Variants in NFIX observed in about 807,000 individuals in gnomAD.
NFIX encodes nuclear factor I X.
NFIX carries 2 observed loss-of-function variants against 53.3 expected under a neutral mutation model. The observed-to-expected ratio is 0.04, with a 90% CI of 0.02 to 0.12. NFIX has a LOEUF of 0.12. Ranked by LOEUF, NFIX falls within the 10% of genes least tolerant of loss-of-function variation. NFIX has a pLI of 1.00. For missense variants in NFIX, 310 were observed against 674.5 expected (o/e 0.46, Z 5.99); for synonymous variants, 244 against 289.0 (o/e 0.84, Z 1.58).
chr19:13,027,728 A>G lies in NFIX; in HGVS notation c.559+2176A>G, dbSNP rs1172245950. On this transcript the variant is annotated intron_variant, in intron 2 of 10. Coordinates refer to ENST00000592199, the MANE Select transcript of NFIX (RefSeq NM_001365902.3). This position sits in a 1 kb window ranked among gnomAD's most constrained non-coding sequence, Gnocchi z 4.3. ...GCAGACCGTTTCCTGGCCAGAAGAA[A>G]GGCCCCACCATGCCTCCCTGCCAGC... 6.6e-6 allele frequency among the ~76,000 whole-genome samples: 1 copy of G among 152,192 alleles called. No individual in the cohort carries two copies. Among genetic ancestry groups the G allele is most frequent in the Non-Finnish European group, 1.5e-5 (1 of 68,036 alleles).
In NFIX at chr19:13,022,594, GAAAA is replaced by G. The variant is rs58733329; in HGVS notation, c.28-2419_28-2416del. ...CTCGCCCCTGTGTGCTCCATAGGAA[GAAAA>G]AAAAAAAGAAAGAAAGAAATAGAAA... On this transcript the variant is annotated intron_variant, in intron 1 of 10. Transcript: ENST00000592199. This position sits in a 1 kb window ranked among gnomAD's most constrained non-coding sequence, Gnocchi z 4.5. Among the ~76,000 whole-genome samples, 1 of 142,078 alleles carries G rather than the reference GAAAA, an allele frequency of 7.0e-6. No individual in the cohort carries two copies. Among genetic ancestry groups the G allele is most frequent in the Non-Finnish European group, 1.5e-5 (1 of 64,556 alleles). The allele number at this position is 142,078 out of a possible 152,430, so 93.2% of individuals were successfully genotyped here. A position where few individuals can be genotyped will look rare whatever the true frequency, so the allele number is the denominator to read the frequency against.
In NFIX at chr19:13,025,695, T is replaced by C; in HGVS notation, c.559+143T>C. 1.1e-6 allele frequency: 1 copy of C among 907,674 alleles called. No individual in the cohort carries two copies. Among genetic ancestry groups the C allele is most frequent in the Non-Finnish European group, 1.6e-6 (1 of 614,016 alleles). The allele number at this position is 907,674 out of a possible 1,614,324, so 56.2% of individuals were successfully genotyped here. A position where few individuals can be genotyped will look rare whatever the true frequency, so the allele number is the denominator to read the frequency against. ...CCGTCCTGCGGGGCCTGCAACACGGTTCTATGGGCCCTTTTCCTTTTTCCT... is the reference window on the plus strand; with the variant it reads ...CCGTCCTGCGGGGCCTGCAACACGGCTCTATGGGCCCTTTTCCTTTTTCCT... On this transcript the variant is annotated intron_variant, in intron 2 of 10. Transcript: ENST00000592199. The surrounding 1 kb of genome is among the most constrained non-coding windows in gnomAD (Gnocchi z 7.5).
intron 1 of NFIX, 68 bp from the exon 2 acceptor site, chr19:13,024,953 C>T (rs1318724344): frequency 6.5e-7 from 1 of 1,543,466 alleles, no homozygotes; most frequent in Non-Finnish European, 8.8e-7. Flanking sequence ...TCTCTCTTTC[C>T]CCCTCATCCC....
intron 6 of NFIX, among the ~76,000 whole-genome samples, chr19:13,076,321 G>C (rs1420478519): frequency 6.6e-6 from 1 of 152,146 alleles, no homozygotes; most frequent in Non-Finnish European, 1.5e-5. Context: ...AGAGTACAGA[G>C]GAAGCCAGCT....
Position 13,080,660 on chromosome 19 carries a change from T to C in NFIX, c.1079-1020T>C, listed in dbSNP as rs560067531. 4.6e-3 allele frequency among the ~76,000 whole-genome samples: 701 copies of C among 151,842 alleles called. 7 individuals carry two copies. Among genetic ancestry groups the C allele is most frequent in the African/African-American group, 0.016 (675 of 41,430 alleles). On this transcript the variant is annotated intron_variant, in intron 7 of 10. Transcript: ENST00000592199. ...TCGAGGCTGCAGCGAGCTGTGATCA[T>C]GCCACTGCACTACAGCCTGGATGAC...
intron 2 of NFIX, among the ~76,000 whole-genome samples, chr19:13,058,569 A>G (rs896837063): frequency 2.0e-5 from 3 of 148,036 alleles, no homozygotes; most frequent in African/African-American, 2.5e-5. Context: ...GCTGCATGCT[A>G]CCACCCCCAG....
At chr19:12,999,479 C>G (rs2145126782) in intron 1 of NFIX, among the ~76,000 whole-genome samples, 1 of 109,600 alleles carries the variant, frequency 9.1e-6, no homozygotes, top group African/African-American at 4.2e-5. Context: ...GCCACAAATA[C>G]CTTTTCAAAC....
Position 13,022,765 on chromosome 19 carries a change from C to T in NFIX, c.28-2256C>T, listed in dbSNP as rs1307846998. ...GGCCTTTATTTATTTATTTTTCAGG[C>T]TTAAAAAAAAATTTCGAGTCTTCCA... is the stretch of plus-strand genomic sequence containing the variant. On this transcript the variant is annotated intron_variant, in intron 1 of 10. Coordinates refer to ENST00000592199, the MANE Select transcript of NFIX (RefSeq NM_001365902.3). The surrounding 1 kb of genome is among the most constrained non-coding windows in gnomAD (Gnocchi z 4.5). Among the ~76,000 whole-genome samples the T allele has an allele frequency of 1.3e-5, 2 of 152,008 alleles. No homozygotes were observed. Among genetic ancestry groups the T allele is most frequent in the African/African-American group, 4.8e-5 (2 of 41,378 alleles).
chr19:13,087,585 C>CGG (rs2017853368), intron 8 of NFIX, among the ~76,000 whole-genome samples: 1 of 151,938 alleles, frequency 6.6e-6, no homozygotes, highest in Admixed American at 6.6e-5. Context: ...TTTGGGGAGC[C>CGG]GGGGGAGCAG....
chr19:13,084,242 C>T (rs574430817), intron 8 of NFIX, among the ~76,000 whole-genome samples: 3 of 151,926 alleles, frequency 2.0e-5, no homozygotes, highest in East Asian at 1.9e-4. Context: ...CTCAGGAGTT[C>T]GAGACCAGCC....
rs138740930 is a variant in NFIX, at chr19:13,053,349, A to T, written c.560-19698A>T. On this transcript the variant is annotated intron_variant, in intron 2 of 10. Coordinates refer to ENST00000592199, the MANE Select transcript of NFIX (RefSeq NM_001365902.3). Reference sequence around the variant, plus strand: ...TAGCTCCCTCACAGGGCTGGGGAGCAATAGACAAACTCTCCAAAAATATTT... The same window carrying T: ...TAGCTCCCTCACAGGGCTGGGGAGCTATAGACAAACTCTCCAAAAATATTT... Among the ~76,000 whole-genome samples, 524 of 152,288 alleles carry T rather than the reference A, an allele frequency of 3.4e-3. 6 individuals carry two copies. The highest frequency in any genetic ancestry group is 0.012 in the African/African-American group (508 of 41,536).
At chr19:13,050,132 C>CA (rs777962305) in intron 2 of NFIX, among the ~76,000 whole-genome samples, 43 of 152,342 alleles carry the variant, frequency 2.8e-4, no homozygotes, top group Non-Finnish European at 6.3e-4. Context: ...GTCTGCCCAG[C>CA]AGTGCTGTCC....
intron 6 of NFIX, among the ~76,000 whole-genome samples, chr19:13,076,541 C>T (rs1007613031): frequency 1.3e-4 from 20 of 152,274 alleles, no homozygotes; most frequent in Non-Finnish European, 2.4e-4. Flanking sequence ...TGGTACAGCC[C>T]GTGTTTATCC....
At position 13,090,541 on chromosome 19, in the gene NFIX, G is replaced by A. The variant is rs777228003; in HGVS notation, c.1494+151G>A. Among the ~76,000 whole-genome samples the A allele has an allele frequency of 4.6e-5, 7 of 152,150 alleles. No individual in the cohort carries two copies. Among genetic ancestry groups the A allele is most frequent in the Non-Finnish European group, 1.0e-4 (7 of 68,008 alleles). ...GGCTGGAGGGCCCAGGCTTTTGCACGCCCAGCTGAGCCTGTCTCCCCAGGC... is the reference window on the plus strand; with the variant it reads ...GGCTGGAGGGCCCAGGCTTTTGCACACCCAGCTGAGCCTGTCTCCCCAGGC... On this transcript the variant is annotated intron_variant, in intron 10 of 10. Coordinates refer to ENST00000592199, the MANE Select transcript of NFIX (RefSeq NM_001365902.3). The surrounding 1 kb of genome is among the most constrained non-coding windows in gnomAD (Gnocchi z 6.6).
chr19:13,041,823 T>G (rs1389271696), intron 2 of NFIX, among the ~76,000 whole-genome samples: 1 of 151,918 alleles, frequency 6.6e-6, no homozygotes. Flanking sequence ...AGTACCATTG[T>G]GTATTCTACT....
intron 2 of NFIX, among the ~76,000 whole-genome samples, chr19:13,032,528 CT>C (rs2145224261): frequency 6.6e-6 from 1 of 152,250 alleles, no homozygotes; most frequent in African/African-American, 2.4e-5. Context: ...GTTATTTTTC[CT>C]TTTTTGTCCC....
rs924964142 is a variant in NFIX, at chr19:13,097,525, T to C, written c.*2876T>C. 1.3e-5 allele frequency: 2 copies of C among 152,646 alleles called. No homozygotes were observed. Among genetic ancestry groups the C allele is most frequent in the East Asian group, 3.9e-4 (2 of 5,170 alleles). The allele number at this position is 152,646 out of a possible 1,614,324, so 9.5% of individuals were successfully genotyped here. On this transcript the variant is annotated 3_prime_UTR_variant, in exon 11 of 11. Transcript: ENST00000592199. ...ATACGCATATCCCTTCTTTGTTGAG[T>C]TTAACGGAACGGGACAGCGGCGTGC...
At chr19:13,004,336 A>G (rs188860156) in intron 1 of NFIX, among the ~76,000 whole-genome samples, 53 of 152,208 alleles carry the variant, frequency 3.5e-4, no homozygotes, top group African/African-American at 1.3e-3. Context: ...ACGCCAGCTG[A>G]CAGTGTCACA....
At chr19:13,091,774 C>G (rs1040731967) in intron 10 of NFIX, among the ~76,000 whole-genome samples, 1 of 152,216 alleles carries the variant, frequency 6.6e-6, no homozygotes, top group South Asian at 2.1e-4. Context: ...AGGGTTCCAT[C>G]GCTCCCTCCC....
Sources: gnomAD v4.1 joint callset for allele counts (sites outside exome capture counted in the v4.1 genomes callset) on GRCh38, gnomAD v4.1.1 for gene constraint, Gnocchi (gnomAD v3.1) non-coding constraint, MANE v1.5 for transcripts, NCBI Gene and HGNC (gene_info 2026-07-23, HGNC 2026-07-21) for gene names.